The following MSRB3 variants were observed in gnomAD, a reference collection of about 807,000 sequenced individuals.
MSRB3 encodes methionine-R-sulfoxide reductase B3.
Under a neutral mutation model 21.0 loss-of-function variants are expected in MSRB3, and 13 were observed. The ratio of observed to expected loss-of-function variants is 0.62; its 90% CI spans 0.40 to 0.98. The LOEUF is 0.98. MSRB3 is among the 50% of genes least tolerant of loss of function. The pLI is 0.00. For synonymous variants in MSRB3, 87 were observed against 88.6 expected, an observed-to-expected ratio of 0.98 and a Z score of 0.10; for missense variants, 199 against 230.3, an observed-to-expected ratio of 0.86 and a Z score of 0.88.
chr12:65,345,844 G>C (rs1310908022), intron 4 of MSRB3, among the ~76,000 whole-genome samples: 4 of 151,866 alleles, frequency 2.6e-5, no homozygotes, highest in African/African-American at 9.7e-5. Flanking sequence ...TGGTTTTTTT[G>C]TCCTTGTGAT....
At chr12:65,391,921 T>C (rs551445699) in intron 5 of MSRB3, among the ~76,000 whole-genome samples, 14 of 152,248 alleles carry the variant, frequency 9.2e-5, no homozygotes, top group African/African-American at 3.1e-4. Context: ...AAGAGGATAA[T>C]TGAAGACTTC....
chr12:65,401,469 T>G (rs1319445190), intron 5 of MSRB3, among the ~76,000 whole-genome samples: 1 of 152,214 alleles, frequency 6.6e-6, no homozygotes, highest in Non-Finnish European at 1.5e-5. Flanking sequence ...TTGGTAAATC[T>G]TCCTCCATCC....
chr12:65,384,574 C>T (rs1169147311), intron 5 of MSRB3, among the ~76,000 whole-genome samples: 9 of 152,048 alleles, frequency 5.9e-5, no homozygotes, highest in African/African-American at 1.9e-4. Flanking sequence ...AAGTTTCTAC[C>T]CTAAAATTTA....
intron 5 of MSRB3, among the ~76,000 whole-genome samples, chr12:65,396,357 G>A (rs1879778710): frequency 6.6e-6 from 1 of 152,202 alleles, no homozygotes; most frequent in South Asian, 2.1e-4. Flanking sequence ...TTGCTTGAGA[G>A]CAGACATTGT....
chr12:65,305,446 T>A (rs1873596729), intron 1 of MSRB3, among the ~76,000 whole-genome samples: 1 of 152,156 alleles, frequency 6.6e-6, no homozygotes, highest in Non-Finnish European at 1.5e-5. Flanking sequence ...TTAGAGTTGG[T>A]TGGTGCATCA....
intron 5 of MSRB3, among the ~76,000 whole-genome samples, chr12:65,370,149 A>T (rs1267635155): frequency 6.6e-6 from 1 of 152,194 alleles, no homozygotes; most frequent in Non-Finnish European, 1.5e-5. Flanking sequence ...TATGAATGGT[A>T]GTATAAGATA....
chr12:65,327,574 A>G (rs1278325094), intron 3 of MSRB3, among the ~76,000 whole-genome samples: 4 of 152,328 alleles, frequency 2.6e-5, no homozygotes, highest in South Asian at 2.1e-4. Context: ...CTCAAAGGTA[A>G]CTTGCCAAGG....
intron 4 of MSRB3, among the ~76,000 whole-genome samples, chr12:65,339,479 T>C (rs1327022482): frequency 6.6e-6 from 1 of 152,222 alleles, no homozygotes; most frequent in Non-Finnish European, 1.5e-5. Flanking sequence ...TGCAGATACT[T>C]CCACTGTGGG....
At chr12:65,383,949 G>GC in intron 5 of MSRB3, among the ~76,000 whole-genome samples, 1 of 152,226 alleles carries the variant, frequency 6.6e-6, no homozygotes, top group Non-Finnish European at 1.5e-5. Context: ...GTGAGCCACT[G>GC]CCCCCGGCTG....
chr12:65,434,816 A>G, intron 5 of MSRB3, among the ~76,000 whole-genome samples: 1 of 151,962 alleles, frequency 6.6e-6, no homozygotes, highest in East Asian at 1.9e-4. Flanking sequence ...TGATATAATT[A>G]TATCATTTGG....
chr12:65,291,767 T>C lies in MSRB3; in HGVS notation c.-52+12902T>C, dbSNP rs375698548. Among the ~76,000 whole-genome samples the C allele has an allele frequency of 2.2e-4, 34 of 152,126 alleles. 1 individual carries two copies. Among genetic ancestry groups the C allele is most frequent in the African/African-American group, 8.2e-4 (34 of 41,486 alleles). On this transcript the variant is annotated intron_variant, in intron 1 of 6. Transcript: ENST00000308259. Reference sequence around the variant, plus strand: ...TTTGTGGTAGGAGCAAGAGAGAGCATGGTTAGAGTTTAGGGCAAAGAAGAA... The same window carrying C: ...TTTGTGGTAGGAGCAAGAGAGAGCACGGTTAGAGTTTAGGGCAAAGAAGAA...
chr12:65,291,568 G>A (rs1182804891), intron 1 of MSRB3, among the ~76,000 whole-genome samples: 1 of 151,226 alleles, frequency 6.6e-6, no homozygotes, highest in Non-Finnish European at 1.5e-5. Flanking sequence ...TGCTGTTTCT[G>A]TTTATCTGCC....
chr12:65,398,333 T>C (rs1053770225), intron 5 of MSRB3, among the ~76,000 whole-genome samples: 4 of 152,216 alleles, frequency 2.6e-5, no homozygotes, highest in Admixed American at 2.0e-4. Flanking sequence ...CTCATTGTGG[T>C]TTTGATTTGC....
intron 2 of MSRB3, among the ~76,000 whole-genome samples, chr12:65,322,660 CAAAA>C (rs34770864): frequency 9.1e-5 from 8 of 87,612 alleles, no homozygotes; most frequent in Admixed American, 3.9e-4. Context: ...GACTCCATCT[CAAAA>C]AAAAAAAAAA....
chr12:65,408,329 G>T (rs1024468059), intron 5 of MSRB3, among the ~76,000 whole-genome samples: 2 of 152,064 alleles, frequency 1.3e-5, no homozygotes, highest in Admixed American at 6.6e-5. Context: ...TCCTGACCTC[G>T]TGATCCACCC....
Position 65,368,914 on chromosome 12 carries a change from C to A in MSRB3, c.264-84C>A, listed in dbSNP as rs574843975. 22 of 624,296 alleles carry A rather than the reference C, an allele frequency of 3.5e-5. No individual in the cohort carries two copies. In the East Asian group the frequency reaches 7.9e-4, roughly 22 times the overall value. 38.7% of individuals were successfully genotyped at this position (624,296 alleles called of 1,614,324 possible). ...GAAAAATGTAACTATTACCTCCCCTCCCAACCACACCCCCCCCCCCCATGA... is the reference window on the plus strand; with the variant it reads ...GAAAAATGTAACTATTACCTCCCCTACCAACCACACCCCCCCCCCCCATGA... On this transcript the variant is annotated intron_variant, in intron 4 of 6. Transcript: ENST00000308259.
At chr12:65,370,284 G>A (rs963558124) in intron 5 of MSRB3, among the ~76,000 whole-genome samples, 1 of 152,078 alleles carries the variant, frequency 6.6e-6, no homozygotes, top group East Asian at 1.9e-4. Flanking sequence ...CATTTTTTAA[G>A]TTAAAATCTT....
intron 5 of MSRB3, among the ~76,000 whole-genome samples, chr12:65,398,325 C>T (rs1477415045): frequency 6.6e-6 from 1 of 152,152 alleles, no homozygotes; most frequent in East Asian, 1.9e-4. Context: ...GATGGTATCT[C>T]ATTGTGGTTT....
At chr12:65,328,393 A>G (rs1036023898) in intron 3 of MSRB3, 133 bp from the exon 4 acceptor site, 15 of 667,416 alleles carry the variant, frequency 2.2e-5, no homozygotes, top group Admixed American at 1.7e-4. Context: ...TCAGATTTCC[A>G]TATGTTTGGT....
Sources: gnomAD v4.1 joint callset for allele counts (sites outside exome capture counted in the v4.1 genomes callset) on GRCh38, gnomAD v4.1.1 for gene constraint, MANE v1.5 for transcripts, NCBI Gene and HGNC (gene_info 2026-07-23, HGNC 2026-07-21) for gene names.